Variants in LRP1B observed in about 807,000 individuals in gnomAD.
The protein encoded by LRP1B is low-density lipoprotein receptor-related protein 1B.
Under a neutral mutation model 556.6 loss-of-function variants are expected in LRP1B, and 217 were observed. That is an observed-to-expected ratio of 0.39 (90% CI 0.35 to 0.44). The LOEUF (loss-of-function observed/expected upper bound fraction) is 0.44, where lower values mean the gene tolerates loss of function less well. Among genes scored for constraint, LRP1B ranks in the 20% least tolerant of loss-of-function variants. The pLI is 1.00. For synonymous variants in LRP1B, 2,047 were observed against 1,865.8 expected, an observed-to-expected ratio of 1.10 and a Z score of -2.50; for missense variants, 5,053 against 5,620.8, an observed-to-expected ratio of 0.90 and a Z score of 3.23.
intron 3 of LRP1B, 117 bp downstream of exon 3, chr2:141,480,279 T>A: frequency 8.8e-7 from 1 of 1,140,944 alleles, no homozygotes; most frequent in Non-Finnish European, 1.3e-6. Flanking sequence ...ATTCATGCTT[T>A]CTTAATAACT....
chr2:141,430,660 G>A (rs1680528458), intron 3 of LRP1B, among the ~76,000 whole-genome samples: 2 of 151,638 alleles, frequency 1.3e-5, no homozygotes. Context: ...AAGATTTTGA[G>A]GTCACATTAT....
At chr2:141,365,759 G>A (rs1361536653) in intron 3 of LRP1B, among the ~76,000 whole-genome samples, 2 of 147,718 alleles carry the variant, frequency 1.4e-5, no homozygotes, top group African/African-American at 2.5e-5. Context: ...TGCAAGATCC[G>A]CCTCCCGGGT....
intron 15 of LRP1B, among the ~76,000 whole-genome samples, chr2:140,995,142 G>T (rs1248783356): frequency 6.6e-6 from 1 of 151,992 alleles, no homozygotes; most frequent in Non-Finnish European, 1.5e-5. Context: ...ATCTGCTGCA[G>T]CTCTAAAACT....
At chr2:141,444,415 G>A (rs528157009) in intron 3 of LRP1B, among the ~76,000 whole-genome samples, 34 of 150,892 alleles carry the variant, frequency 2.3e-4, no homozygotes, top group Admixed American at 5.9e-4. Context: ...ATTTGAATAC[G>A]CTTTCTTTCA....
chr2:141,216,629 C>A (rs1459985958), intron 6 of LRP1B, among the ~76,000 whole-genome samples: 2 of 152,166 alleles, frequency 1.3e-5, no homozygotes, highest in Admixed American at 6.5e-5. Flanking sequence ...AGTAGATGTA[C>A]CCTACAAAGC....
intron 7 of LRP1B, among the ~76,000 whole-genome samples, chr2:141,102,370 T>G (rs1700483820): frequency 1.3e-5 from 2 of 152,096 alleles, no homozygotes; most frequent in Admixed American, 1.3e-4. Flanking sequence ...CCTGAAAAGT[T>G]TTTTCGAGGT....
intron 35 of LRP1B, among the ~76,000 whole-genome samples, chr2:140,761,312 G>A (rs993558603): frequency 1.3e-5 from 2 of 152,158 alleles, no homozygotes; most frequent in African/African-American, 4.8e-5. Context: ...AATAATGTGT[G>A]GGAATAAGAT....
intron 2 of LRP1B, among the ~76,000 whole-genome samples, chr2:141,621,605 T>A (rs550047499): frequency 1.3e-5 from 2 of 152,186 alleles, no homozygotes; most frequent in Non-Finnish European, 2.9e-5. Flanking sequence ...AATTGATACA[T>A]CTCAGTATTT....
intron 7 of LRP1B, among the ~76,000 whole-genome samples, chr2:141,097,137 A>C (rs998565948): frequency 2.0e-5 from 3 of 152,154 alleles, no homozygotes; most frequent in Non-Finnish European, 4.4e-5. Flanking sequence ...TATATAATAC[A>C]TGTTTCTTGA....
rs763485937 is a variant in LRP1B, at chr2:141,292,012, G to A, written c.344-37371C>T. ...CAATGCGATGAACTACTACCAGTCC[G>A]TGGCCTGTTAGGAACGAGGCTGCGC... On this transcript the variant is annotated intron_variant, in intron 3 of 90. Transcript: ENST00000389484. Among the ~76,000 whole-genome samples, 64 of 152,074 alleles carry A rather than the reference G, an allele frequency of 4.2e-4. 1 individual carries two copies. The highest frequency in any genetic ancestry group is 1.2e-4 in the African/African-American group (5 of 41,392).
At position 141,916,285 on chromosome 2, in the gene LRP1B, C is replaced by A. The variant is rs568034648; in HGVS notation, c.83-105884G>T. On this transcript the variant is annotated intron_variant, in intron 1 of 90. Coordinates refer to ENST00000389484, the MANE Select transcript of LRP1B (RefSeq NM_018557.3). Reference sequence around the variant, plus strand: ...GTATTTTGCAGCACCATGGATGCACCAGAAGGCCATTATCCTAAGAGAATT... The same window carrying A: ...GTATTTTGCAGCACCATGGATGCACAAGAAGGCCATTATCCTAAGAGAATT... Among the ~76,000 whole-genome samples the A allele has an allele frequency of 1.3e-5, 2 of 152,212 alleles. 1 individual carries two copies. Among genetic ancestry groups the A allele is most frequent in the Admixed American group, 1.3e-4 (2 of 15,288 alleles).
At chr2:140,999,648 A>G (rs1270341543) in intron 15 of LRP1B, among the ~76,000 whole-genome samples, 1 of 152,096 alleles carries the variant, frequency 6.6e-6, no homozygotes, top group East Asian at 1.9e-4. Flanking sequence ...GTTAAGCATC[A>G]ATCTGAATCA....
At chr2:141,114,677 C>T (rs1162900023) in intron 7 of LRP1B, among the ~76,000 whole-genome samples, 1 of 152,078 alleles carries the variant, frequency 6.6e-6, no homozygotes, top group African/African-American at 2.4e-5. Context: ...AGTGTGAAAA[C>T]AGGAATGCCT....
At position 140,371,292 on chromosome 2, in the gene LRP1B, A is replaced by G. The variant is rs200174276; in HGVS notation, c.10769-7T>C. The G allele has an allele frequency of 2.0e-4, 295 of 1,494,044 alleles. 1 individual carries two copies. Among genetic ancestry groups the G allele is most frequent in the South Asian group, 1.9e-3 (148 of 77,296 alleles). The allele number at this position is 1,494,044 out of a possible 1,614,324, so 92.5% of individuals were successfully genotyped here. On this transcript the variant is annotated splice_polypyrimidine_tract_variant and splice_region_variant and intron_variant, in intron 69 of 90. Transcript: ENST00000389484. ...GATGAGCAAGTAGGAGAAGCTGAAT[A>G]CAATTATAAATTTGAAATTGAGATA...
At position 141,804,503 on chromosome 2, in the gene LRP1B, T is replaced by C. The variant is rs114947618; in HGVS notation, c.205+5776A>G. 3.9e-3 allele frequency among the ~76,000 whole-genome samples: 591 copies of C among 152,178 alleles called. 7 individuals are homozygous for C. Among genetic ancestry groups the C allele is most frequent in the African/African-American group, 0.014 (564 of 41,534 alleles). On this transcript the variant is annotated intron_variant, in intron 2 of 90. Coordinates refer to ENST00000389484, the MANE Select transcript of LRP1B (RefSeq NM_018557.3). ...TATCCCAGTGTTTGAATTTAATATA[T>C]CTGATCATTAAAAATTATTTATAAC...
intron 1 of LRP1B, among the ~76,000 whole-genome samples, chr2:142,119,764 C>T (rs1324248339): frequency 2.6e-5 from 4 of 151,992 alleles, no homozygotes; most frequent in Non-Finnish European, 5.9e-5. Context: ...CTCACTCTCT[C>T]TTTCCTTTTT....
chr2:141,143,760 CCA>C (rs1701714341), intron 7 of LRP1B, among the ~76,000 whole-genome samples: 1 of 152,082 alleles, frequency 6.6e-6, no homozygotes, highest in African/African-American at 2.4e-5. Flanking sequence ...CTATCTCCCC[CCA>C]GTCTTCCCAC....
At chr2:141,241,397 C>T (rs1469956272) in intron 5 of LRP1B, among the ~76,000 whole-genome samples, 1 of 152,070 alleles carries the variant, frequency 6.6e-6, no homozygotes, top group Admixed American at 6.6e-5. Flanking sequence ...AGCAAGCACA[C>T]AGCTTTTACT....
intron 1 of LRP1B, among the ~76,000 whole-genome samples, chr2:142,109,088 A>C (rs1175579599): frequency 6.6e-6 from 1 of 152,190 alleles, no homozygotes; most frequent in Admixed American, 6.6e-5. Context: ...TAGTGAGCCT[A>C]AAGTGGTGTC....
Sources: allele counts gnomAD v4.1 joint callset (sites outside exome capture counted in the v4.1 genomes callset), GRCh38; gene constraint gnomAD v4.1.1; transcripts MANE v1.5; gene names NCBI Gene and HGNC (gene_info 2026-07-23, HGNC 2026-07-21).